Variants in RBFOX1 observed in about 807,000 individuals in gnomAD.
RBFOX1 encodes RNA binding fox-1 homolog 1, also known as RNA binding protein fox-1 homolog 1.
Under a neutral mutation model 57.7 loss-of-function variants are expected in RBFOX1, and 8 were observed. The observed-to-expected ratio is 0.14, with a 90% confidence interval of 0.08 to 0.25. The LOEUF (loss-of-function observed/expected upper bound fraction) is 0.25. Ranked by LOEUF, RBFOX1 falls within the 10% of genes least tolerant of loss-of-function variation. The pLI is 1.00. For synonymous variants in RBFOX1, 326 were observed against 222.4 expected (o/e 1.47, Z -4.15); for missense variants, 611 against 548.5 (o/e 1.11, Z -1.14).
chr16:6,377,738 C>G (rs953233630), intron 2 of RBFOX1, among the ~76,000 whole-genome samples: 1 of 152,176 alleles, frequency 6.6e-6, no homozygotes, highest in South Asian at 2.1e-4. Flanking sequence ...TGTCTGTAAT[C>G]ATATAAAATG....
chr16:6,502,872 C>T (rs909677215), intron 2 of RBFOX1, among the ~76,000 whole-genome samples: 37 of 152,014 alleles, frequency 2.4e-4, no homozygotes, highest in African/African-American at 7.7e-4. Context: ...GGGTTATGTC[C>T]GTTTTATAGC....
At chr16:5,394,820 G>A (rs1430870333) in intron 1 of RBFOX1, among the ~76,000 whole-genome samples, 1 of 152,050 alleles carries the variant, frequency 6.6e-6, no homozygotes, top group Non-Finnish European at 1.5e-5. Context: ...AAAATACTGG[G>A]ATTACAGGTT....
At chr16:6,365,406 G>A (rs1363720861) in intron 2 of RBFOX1, among the ~76,000 whole-genome samples, 3 of 151,970 alleles carry the variant, frequency 2.0e-5, no homozygotes, top group Non-Finnish European at 4.4e-5. Context: ...GTAGATGGAT[G>A]GATGGATGGG....
intron 3 of RBFOX1, among the ~76,000 whole-genome samples, chr16:6,769,365 G>T (rs62016071): frequency 0.094 from 14,294 of 152,198 alleles, 720 homozygotes; most frequent in Admixed American, 0.13. Flanking sequence ...AGTTGCCTAG[G>T]CTTGAGTATG....
intron 1 of RBFOX1, among the ~76,000 whole-genome samples, chr16:6,265,649 GT>G (rs1391590146): frequency 1.4e-4 from 22 of 152,298 alleles, no homozygotes; most frequent in African/African-American, 4.3e-4. Context: ...AGCCCTTCTT[GT>G]GCAGGATATG....
At chr16:7,455,024 C>G (rs1405190636) in intron 4 of RBFOX1, among the ~76,000 whole-genome samples, 2 of 152,166 alleles carry the variant, frequency 1.3e-5, no homozygotes, top group African/African-American at 2.4e-5. Flanking sequence ...TTGATTTGTT[C>G]AAACACAATA....
At chr16:7,502,525 G>A (rs1411171067) in intron 4 of RBFOX1, among the ~76,000 whole-genome samples, 10 of 152,144 alleles carry the variant, frequency 6.6e-5, no homozygotes, top group Non-Finnish European at 7.3e-5. Flanking sequence ...TTTGAAAAGG[G>A]GCTGAAGAAG....
chr16:6,582,142 T>C (rs983396113), intron 2 of RBFOX1, among the ~76,000 whole-genome samples: 7 of 152,218 alleles, frequency 4.6e-5, no homozygotes, highest in African/African-American at 1.7e-4. Flanking sequence ...TTAAGTCATA[T>C]TAAAATGGAC....
intron 4 of RBFOX1, among the ~76,000 whole-genome samples, chr16:5,876,957 G>A (rs2057628180): frequency 6.6e-6 from 1 of 152,164 alleles, no homozygotes; most frequent in African/African-American, 2.4e-5. Flanking sequence ...TGGTTGAAGG[G>A]GAGTGCTGGG....
intron 2 of RBFOX1, among the ~76,000 whole-genome samples, chr16:5,539,194 G>C (rs1043218735): frequency 6.6e-6 from 1 of 152,166 alleles, no homozygotes; most frequent in Non-Finnish European, 1.5e-5. Context: ...AATGGGTCCA[G>C]GTCAGGTCCC....
At chr16:5,439,591 G>C (rs2068021629) in intron 1 of RBFOX1, among the ~76,000 whole-genome samples, 1 of 152,050 alleles carries the variant, frequency 6.6e-6, no homozygotes, top group South Asian at 2.1e-4. Flanking sequence ...GCAGAGAAAG[G>C]ACGTCTCTGA....
At chr16:7,699,629 T>C (rs1187605950) in intron 14 of RBFOX1, among the ~76,000 whole-genome samples, 1 of 152,196 alleles carries the variant, frequency 6.6e-6, no homozygotes, top group Non-Finnish European at 1.5e-5. Context: ...ATGCTGGATT[T>C]CCAAAACTTA....
intron 3 of RBFOX1, among the ~76,000 whole-genome samples, chr16:6,828,142 C>T (rs2092375127): frequency 6.6e-6 from 1 of 152,156 alleles, no homozygotes; most frequent in Non-Finnish European, 1.5e-5. Flanking sequence ...AGCAATTTGG[C>T]TTAAGGAGGA....
Position 7,595,572 on chromosome 16 carries a change from A to G in RBFOX1, c.492A>G (p.Glu164=). 6.4e-7 allele frequency: 1 copy of G among 1,558,408 alleles called. No individual in the cohort carries two copies. The highest frequency in any genetic ancestry group is 2.3e-5 in the East Asian group (1 of 42,742). Residue 164 remains glutamate (E), a synonymous_variant, in exon 8 of 16, where the codon GAA becomes GAG. Transcript: ENST00000550418. ...AGGGATTTGGTTTCGTAACTTTCGA[A>G]AATAGTGCCGATGCGGACAGGGCGA... ...GSKGFGFVTF[E]NSADADRARE...
chr16:6,884,248 T>A (rs1028202655), intron 3 of RBFOX1, among the ~76,000 whole-genome samples: 2 of 152,132 alleles, frequency 1.3e-5, no homozygotes, highest in Non-Finnish European at 2.9e-5. Context: ...CCAGGGAGCG[T>A]GGCAATAAGT....
intron 1 of RBFOX1, among the ~76,000 whole-genome samples, chr16:6,197,487 T>C (rs2097187679): frequency 6.6e-6 from 1 of 152,120 alleles, no homozygotes; most frequent in African/African-American, 2.4e-5. Flanking sequence ...CTGCTCCACC[T>C]GAGCACAATT....
chr16:7,128,183 C>G (rs926284507), intron 4 of RBFOX1, among the ~76,000 whole-genome samples: 1 of 152,112 alleles, frequency 6.6e-6, no homozygotes, highest in Non-Finnish European at 1.5e-5. Context: ...ATAAAATCCT[C>G]AAAGATTTTC....
chr16:6,646,691 A>C (rs1346868205), intron 2 of RBFOX1, among the ~76,000 whole-genome samples: 1 of 151,844 alleles, frequency 6.6e-6, no homozygotes, highest in Non-Finnish European at 1.5e-5. Context: ...GCTTTTCCTC[A>C]CCTCGTTTCT....
intron 2 of RBFOX1, among the ~76,000 whole-genome samples, chr16:6,590,105 T>A (rs1415052249): frequency 6.6e-6 from 1 of 152,182 alleles, no homozygotes; most frequent in African/African-American, 2.4e-5. Flanking sequence ...AATGATAGCG[T>A]TTTGTAAGCA....
Sources: gnomAD v4.1 joint callset for allele counts (sites outside exome capture counted in the v4.1 genomes callset) on GRCh38, gnomAD v4.1.1 for gene constraint, MANE v1.5 for transcripts, NCBI Gene and HGNC (gene_info 2026-07-23, HGNC 2026-07-21) for gene names.